The following ZRANB1 variants were observed in gnomAD, a reference collection of about 807,000 sequenced individuals.
The protein encoded by ZRANB1 is ubiquitin thioesterase ZRANB1.
A neutral mutation model predicts 80.5 loss-of-function variants in ZRANB1; 16 were observed. The ratio of observed to expected loss-of-function variants is 0.20; its 90% CI spans 0.13 to 0.30. ZRANB1 has a LOEUF of 0.30. ZRANB1 is among the 10% of genes least tolerant of loss of function. ZRANB1 has a pLI of 1.00. For missense variants in ZRANB1, 576 were observed against 862.6 expected, an observed-to-expected ratio of 0.67 and a Z score of 4.16; for synonymous variants, 291 against 293.1, an observed-to-expected ratio of 0.99 and a Z score of 0.07.
intron 1 of ZRANB1, among the ~76,000 whole-genome samples, chr10:124,957,649 A>G (rs751994113): frequency 6.6e-6 from 1 of 152,150 alleles, no homozygotes; most frequent in Non-Finnish European, 1.5e-5. Context: ...GGAATCATAC[A>G]GTATCTGTCC....
the ZRANB1 span, among the ~76,000 whole-genome samples, chr10:124,924,355 C>T: frequency 1.3e-5 from 2 of 151,212 alleles, no homozygotes; most frequent in African/African-American, 4.9e-5. Context: ...AAATTCACCC[C>T]TTTAAAGTAT....
chr10:124,963,554 G>GTTTTTTTTTT (rs760813299), intron 1 of ZRANB1, among the ~76,000 whole-genome samples: 2 of 57,508 alleles, frequency 3.5e-5, no homozygotes, highest in Non-Finnish European at 6.5e-5. Flanking sequence ...TTTTTTGTTT[G>GTTTTTTTTTT]TTTTTTTTTT....
intron 4 of ZRANB1, 56 bp from the exon 5 acceptor site, chr10:124,974,144 G>A (rs2133986989): frequency 6.4e-7 from 1 of 1,566,332 alleles, no homozygotes; most frequent in South Asian, 1.1e-5. Flanking sequence ...CTCCCCATGA[G>A]TATTCTCTAA....
At chr10:124,940,692 T>G (rs926354227), upstream of ZRANB1, 21 of 442,674 alleles carry the variant, frequency 4.7e-5, no homozygotes, top group African/African-American at 3.5e-4. Flanking sequence ...GTGAAAGATT[T>G]AGGCCAGGCG....
chr10:124,953,303 A>T (rs17152402), intron 1 of ZRANB1, among the ~76,000 whole-genome samples: 1 of 152,112 alleles, frequency 6.6e-6, no homozygotes, highest in Admixed American at 6.5e-5. Flanking sequence ...GGTCAGAGCC[A>T]TTGTTAATAA....
intron 1 of ZRANB1, among the ~76,000 whole-genome samples, chr10:124,963,631 C>T (rs189082617): frequency 2.6e-3 from 344 of 130,416 alleles, no homozygotes; most frequent in Middle Eastern, 0.012. Flanking sequence ...AGAAAACATG[C>T]GGTGGCTAAA....
At chr10:124,940,752 G>A (rs1462130101), upstream of ZRANB1, among the ~76,000 whole-genome samples, 1 of 152,044 alleles carries the variant, frequency 6.6e-6, no homozygotes, top group African/African-American at 2.4e-5. Flanking sequence ...GAGGTGGGTG[G>A]ATCACGAGGT....
chr10:124,954,725 G>A (rs1017867813), intron 1 of ZRANB1, among the ~76,000 whole-genome samples: 4 of 150,764 alleles, frequency 2.7e-5, no homozygotes, highest in Non-Finnish European at 5.9e-5. Context: ...TGGGATTACA[G>A]GCGTGAGTCA....
rs115648909 is a variant in ZRANB1 at position 124,969,372 on chromosome 10, A to T, written c.1002+2591A>T. Among the ~76,000 whole-genome samples, 1,398 of 152,320 alleles carry T rather than the reference A, an allele frequency of 9.2e-3. 21 individuals carry two copies. Among genetic ancestry groups the T allele is most frequent in the African/African-American group, 0.032 (1,324 of 41,566 alleles). On this transcript the variant is annotated intron_variant, in intron 2 of 8. Coordinates refer to ENST00000359653, the MANE Select transcript of ZRANB1 (RefSeq NM_017580.3). ...CAGTCTCCATGGAGTAAATACTCCA[A>T]AGGACAGAATTAAAGGGGCCAGTAG...
At chr10:124,919,319 C>T in the ZRANB1 span, among the ~76,000 whole-genome samples, 3 of 151,908 alleles carry the variant, frequency 2.0e-5, no homozygotes, top group African/African-American at 7.2e-5. Context: ...TTGAGGCGGG[C>T]GGATCGCCTG....
At chr10:124,928,287 C>T in the ZRANB1 span, among the ~76,000 whole-genome samples, 15 of 152,082 alleles carry the variant, frequency 9.9e-5, no homozygotes, top group African/African-American at 3.6e-4. Flanking sequence ...GTCGCCGAAG[C>T]ATGCGGATGA....
the ZRANB1 span, among the ~76,000 whole-genome samples, chr10:124,924,582 C>T: frequency 2.0e-4 from 31 of 152,160 alleles, no homozygotes; most frequent in Non-Finnish European, 4.4e-4. Flanking sequence ...AATATATGAC[C>T]GTTTATGTGG....
rs763529218 is a variant in ZRANB1, at chr10:124,984,980, TGAA to T, written c.2118_2120del (p.Glu706del). The T allele has an allele frequency of 2.5e-6, 4 of 1,607,122 alleles. No homozygotes were observed. The highest frequency in any genetic ancestry group is 3.4e-6 in the Non-Finnish European group (4 of 1,176,656). On this transcript the variant is annotated inframe_deletion, in exon 9 of 9. Transcript: ENST00000359653. ...CTGATGGAGAGGAAGATGAGGATGA[TGAA>T]GATGAATGAAAAAAAAAATCAAACA...
rs868752184 is a variant in ZRANB1 at position 124,968,621 on chromosome 10, G to A, written c.1002+1840G>A. ...TGCATTTGTGTTGTGGTGCCTAGTT[G>A]TGTTGTCTATTGTATATTGGAAGGG... On this transcript the variant is annotated intron_variant, in intron 2 of 8. Transcript: ENST00000359653. 2.0e-5 allele frequency among the ~76,000 whole-genome samples: 3 copies of A among 152,184 alleles called. No individual in the cohort carries two copies. In the South Asian group the frequency reaches 6.2e-4, roughly 32 times the overall value.
chr10:124,962,865 T>A (rs549083387), intron 1 of ZRANB1, among the ~76,000 whole-genome samples: 1 of 152,320 alleles, frequency 6.6e-6, no homozygotes, highest in East Asian at 1.9e-4. Context: ...TTTATAAAAT[T>A]AATCGTCCCA....
chr10:124,919,038 T>C, the ZRANB1 span, among the ~76,000 whole-genome samples: 1 of 152,192 alleles, frequency 6.6e-6, no homozygotes, highest in East Asian at 1.9e-4. Context: ...AACTCATTCA[T>C]GGTAATATAT....
At chr10:124,935,826 T>G in the ZRANB1 span, among the ~76,000 whole-genome samples, 1 of 152,208 alleles carries the variant, frequency 6.6e-6, no homozygotes, top group Non-Finnish European at 1.5e-5. Flanking sequence ...GAACAAAGGT[T>G]TTTGAAAGCC....
chr10:124,978,855 G>C (rs773315196), intron 5 of ZRANB1, among the ~76,000 whole-genome samples: 16 of 143,706 alleles, frequency 1.1e-4, no homozygotes, highest in Non-Finnish European at 2.1e-4. Flanking sequence ...ATGTTGCCCA[G>C]GCTGGTCTCA....
At position 124,986,478 on chromosome 10, in the gene ZRANB1, A is replaced by C. The variant is rs937177371; in HGVS notation, c.*1486A>C. The stretch of plus-strand genomic sequence containing the variant: ...ATACCCACAAAACTGTCATGTCTTT[A>C]GTTCTTTCCCCCCGAAAACTCAGTA... On this transcript the variant is annotated 3_prime_UTR_variant, in exon 9 of 9. Coordinates refer to ENST00000359653, the MANE Select transcript of ZRANB1 (RefSeq NM_017580.3). The C allele has an allele frequency of 1.3e-5, 2 of 152,234 alleles. No homozygotes were observed. The highest frequency in any genetic ancestry group is 2.9e-5 in the Non-Finnish European group (2 of 68,032). 9.4% of individuals were successfully genotyped at this position (152,234 alleles called of 1,614,324 possible).
Sources: allele counts gnomAD v4.1 joint callset (sites outside exome capture counted in the v4.1 genomes callset), GRCh38; gene constraint gnomAD v4.1.1; transcripts MANE v1.5; gene names NCBI Gene and HGNC (gene_info 2026-07-23, HGNC 2026-07-21).